Variants in ING1 observed in about 807,000 individuals in gnomAD.
ING1 encodes the protein inhibitor of growth family member 1, also known as inhibitor of growth protein 1.
ING1 carries 4 observed loss-of-function variants against 23.1 expected under a neutral mutation model. That is an observed-to-expected ratio of 0.17 (90% CI 0.09 to 0.40). The LOEUF is 0.40. Among genes scored for constraint, ING1 ranks in the 10% least tolerant of loss-of-function variants. The pLI, the probability that ING1 is intolerant of heterozygous loss-of-function variation, is 1.00. For synonymous variants in ING1, 179 were observed against 166.4 expected, an observed-to-expected ratio of 1.08 and a Z score of -0.58; for missense variants, 256 against 393.8, an observed-to-expected ratio of 0.65 and a Z score of 2.96.
At position 110,721,105 on chromosome 13, in the gene ING1, C is replaced by G. The variant is rs144205588; in HGVS notation, c.*1173C>G. 6.0e-6 allele frequency: 1 copy of G among 166,960 alleles called. No homozygotes were observed. The highest frequency in any genetic ancestry group is 2.4e-5 in the African/African-American group (1 of 41,576). 10.3% of individuals were successfully genotyped at this position (166,960 alleles called of 1,614,324 possible). ...GCTTATGTGCGTATGTATTGTCTGA[C>G]TGCTTTTGCAAAACGGCAGAGTTCA... On this transcript the variant is annotated 3_prime_UTR_variant, in exon 2 of 2. Coordinates refer to ENST00000333219, the MANE Select transcript of ING1 (RefSeq NM_198219.3).
At chr13:110,716,038 G>A in intron 1 of ING1, 1 of 1,478,788 alleles carries the variant, frequency 6.8e-7, no homozygotes, top group Non-Finnish European at 8.9e-7. Flanking sequence ...TCCACGAGGG[G>A]GACCCTCGGC....
At chr13:110,713,357 G>A, upstream of ING1, 6 of 1,077,674 alleles carry the variant, frequency 5.6e-6, no homozygotes, top group Non-Finnish European at 6.8e-6. Flanking sequence ...CGGGTTTTCA[G>A]CGAAGCAGGC....
Position 110,719,478 on chromosome 13 carries a change from C to A in ING1, c.386C>A (p.Ala129Asp), listed in dbSNP as rs1237719955. 3 of 1,612,628 alleles carry A rather than the reference C, an allele frequency of 1.9e-6. No individual in the cohort carries two copies. The South Asian group carries it at 3.3e-5, about 18-fold the overall frequency. The change falls in exon 2 of 2, where the codon GCT (alanine) becomes GAT (aspartate). Residue 129 changes from alanine to aspartate, a missense_variant. Coordinates refer to ENST00000333219, the MANE Select transcript of ING1 (RefSeq NM_198219.3). This position sits in a 1 kb window ranked among gnomAD's most constrained non-coding sequence, Gnocchi z 8.9. The part of the protein sequence containing the change: ...LGDTAGNSGK[A>D]GADRPKGEAA... ...GACACAGCGGGCAACAGCGGCAAGGCTGGCGCGGACAGGCCCAAAGGCGAG... is the reference window on the plus strand; with the variant it reads ...GACACAGCGGGCAACAGCGGCAAGGATGGCGCGGACAGGCCCAAAGGCGAG...
Position 110,714,187 on chromosome 13 carries a change from T to A in ING1, c.38T>A (p.Val13Glu). ...SPANGEQLHL[V>E]NYVEDYLDSI... ...GCCAACGGGGAGCAGCTCCACCTGGTGAACTATGTGGAGGACTACCTGGAC... is the reference window on the plus strand; with the variant it reads ...GCCAACGGGGAGCAGCTCCACCTGGAGAACTATGTGGAGGACTACCTGGAC... The change falls in exon 1 of 2, where the codon GTG (valine) becomes GAG (glutamate). Residue 13 changes from valine (V) to glutamate (E), a missense_variant. Physicochemically the swap from Val to Glu is moderately radical, Grantham distance 121 (BLOSUM62 -2). Around this residue, in one of 3 missense-constraint regions of ING1, gnomAD observed 209 missense variants for 273.8 expected, o/e 0.76. Coordinates refer to ENST00000333219, the MANE Select transcript of ING1 (RefSeq NM_198219.3). 1 of 1,560,062 alleles carries A rather than the reference T, an allele frequency of 6.4e-7. No individual in the cohort carries two copies. Among genetic ancestry groups the A allele is most frequent in the Non-Finnish European group, 8.7e-7 (1 of 1,154,634 alleles).
In ING1 at chr13:110,723,247, C is replaced by T. The variant is rs902092875; in HGVS notation, c.*3315C>T. 2 of 151,872 alleles carry T rather than the reference C, an allele frequency of 1.3e-5. No individual in the cohort carries two copies. Among genetic ancestry groups the T allele is most frequent in the African/African-American group, 4.8e-5 (2 of 41,308 alleles). 9.4% of individuals were successfully genotyped at this position (151,872 alleles called of 1,614,324 possible). A position where few individuals can be genotyped will look rare whatever the true frequency, so the allele number is the denominator to read the frequency against. ...GTGACTGGGACGTTGGCTGGTGGTTCTCTTTTGGTGTGATTAGAGCTATGT... is the reference window on the plus strand; with the variant it reads ...GTGACTGGGACGTTGGCTGGTGGTTTTCTTTTGGTGTGATTAGAGCTATGT... On this transcript the variant is annotated 3_prime_UTR_variant, in exon 2 of 2. Coordinates refer to ENST00000333219, the MANE Select transcript of ING1 (RefSeq NM_198219.3).
intron 1 of ING1, among the ~76,000 whole-genome samples, chr13:110,717,520 C>G (rs2064133705): frequency 6.6e-6 from 1 of 152,194 alleles, no homozygotes; most frequent in Admixed American, 6.5e-5. Context: ...CTCAGCCCCT[C>G]CCCTAGTTTA....
At chr13:110,712,820 G>A (rs780232801), upstream of ING1, 4 of 862,286 alleles carry the variant, frequency 4.6e-6, no homozygotes, top group Admixed American at 6.0e-5. Context: ...CCTCTTCTGG[G>A]GCTCGGCACT....
chr13:110,716,876 C>G (rs1350289792), intron 1 of ING1, among the ~76,000 whole-genome samples: 1 of 152,100 alleles, frequency 6.6e-6, no homozygotes, highest in East Asian at 1.9e-4. Context: ...TGGTGTTGTT[C>G]CTGTTTATAA....
chr13:110,714,804 G>A (rs1008978870), intron 1 of ING1, among the ~76,000 whole-genome samples: 12 of 152,210 alleles, frequency 7.9e-5, no homozygotes, highest in Admixed American at 3.9e-4. Context: ...GTTACATAAA[G>A]TACCGGGTAG....
chr13:110,717,549 A>G (rs1355293641), intron 1 of ING1, among the ~76,000 whole-genome samples: 1 of 152,300 alleles, frequency 6.6e-6, no homozygotes, highest in African/African-American at 2.4e-5. Context: ...ATTGTTGGCC[A>G]GGCACGGTGG....
intron 1 of ING1, chr13:110,715,874 T>C: frequency 6.3e-7 from 1 of 1,594,110 alleles, no homozygotes; most frequent in Non-Finnish European, 8.5e-7. Flanking sequence ...GCAGTAGCAG[T>C]GATCCCGGGC....
Position 110,719,973 on chromosome 13 carries a change from C to G in ING1, c.*41C>G. ...CTGGTGTGAGGAGGACAAAATAAAC[C>G]GTGTATTTATTACATTGCTGCCTTT... On this transcript the variant is annotated 3_prime_UTR_variant, in exon 2 of 2. Transcript: ENST00000333219. This position sits in a 1 kb window ranked among gnomAD's most constrained non-coding sequence, Gnocchi z 8.9. 7.1e-7 allele frequency: 1 copy of G among 1,400,402 alleles called. No homozygotes were observed. Among genetic ancestry groups the G allele is most frequent in the Non-Finnish European group, 9.7e-7 (1 of 1,027,636 alleles). 86.7% of individuals were successfully genotyped at this position (1,400,402 alleles called of 1,614,324 possible). A position where few individuals can be genotyped will look rare whatever the true frequency, so the allele number is the denominator to read the frequency against.
intron 1 of ING1, among the ~76,000 whole-genome samples, chr13:110,718,808 C>T (rs996849805): frequency 6.6e-6 from 1 of 151,822 alleles, no homozygotes; most frequent in African/African-American, 2.4e-5. Context: ...TAATTGTATT[C>T]AAATAGAAAC....
At chr13:110,715,894 C>T (rs1192654424) in intron 1 of ING1, 5 of 1,585,496 alleles carry the variant, frequency 3.2e-6, no homozygotes, top group Non-Finnish European at 2.6e-6. Context: ...CCTGTGGGCT[C>T]GGGGCCGGGG....
chr13:110,715,251 G>A, intron 1 of ING1: 2 of 1,369,804 alleles, frequency 1.5e-6, no homozygotes, highest in Non-Finnish European at 1.9e-6. Context: ...ACAAGGCTGC[G>A]CAGTAGGGAA....
Position 110,719,347 on chromosome 13 carries a change from C to A in ING1, c.255C>A (p.Gly85=), listed in dbSNP as rs932733701. The A allele has an allele frequency of 1.2e-6, 2 of 1,608,816 alleles. No individual in the cohort carries two copies. The highest frequency in any genetic ancestry group is 2.7e-5 in the African/African-American group (2 of 74,898). ...QRALIRSQEL[G]DEKIQIVSQM... ...CGCTGATCCGCAGCCAGGAGCTGGG[C>A]GACGAGAAGATCCAGATCGTGAGCC... Residue 85 remains glycine (G), a synonymous_variant, in exon 2 of 2, where the codon GGC becomes GGA. Coordinates refer to ENST00000333219, the MANE Select transcript of ING1 (RefSeq NM_198219.3). The surrounding 1 kb of genome is among the most constrained non-coding windows in gnomAD (Gnocchi z 8.9).
intron 1 of ING1, 96 bp downstream of exon 1, chr13:110,714,381 G>T: frequency 1.7e-6 from 2 of 1,168,226 alleles, no homozygotes; most frequent in Non-Finnish European, 2.2e-6. Flanking sequence ...TGGACCGGAG[G>T]AAGCGGCCGG....
chr13:110,714,153 T>C lies in ING1; in HGVS notation c.4T>C (p.Leu2=). Residue 2 remains leucine (L), a synonymous_variant, in exon 1 of 2, where the codon TTG becomes CTG. Coordinates refer to ENST00000333219, the MANE Select transcript of ING1 (RefSeq NM_198219.3). ...CCGGGGACCTCCGGGGTGAACCATG[T>C]TGAGTCCTGCCAACGGGGAGCAGCT... M[L]SPANGEQLHL... 1 of 1,546,810 alleles carries C rather than the reference T, an allele frequency of 6.5e-7. No homozygotes were observed.
chr13:110,721,085 T>C lies in ING1; in HGVS notation c.*1153T>C, dbSNP rs530000041. On this transcript the variant is annotated 3_prime_UTR_variant, in exon 2 of 2. Transcript: ENST00000333219. ...TTTCAGCGGAACACAGCCGTGCTTA[T>C]GTGCGTATGTATTGTCTGACTGCTT... 2.4e-5 allele frequency: 4 copies of C among 167,132 alleles called. No homozygotes were observed. The highest frequency in any genetic ancestry group is 3.9e-4 in the East Asian group (2 of 5,194). 10.4% of individuals were successfully genotyped at this position (167,132 alleles called of 1,614,324 possible). A position where few individuals can be genotyped will look rare whatever the true frequency, so the allele number is the denominator to read the frequency against.
Sources: gnomAD v4.1 joint callset for allele counts (sites outside exome capture counted in the v4.1 genomes callset) on GRCh38, gnomAD v4.1.1 for gene constraint, gnomAD v4.1.1 regional missense constraint, Gnocchi (gnomAD v3.1) non-coding constraint, MANE v1.5 for transcripts, NCBI Gene and HGNC (gene_info 2026-07-23, HGNC 2026-07-21) for gene names.